The following ROBO2 variants were observed in gnomAD, a reference collection of about 807,000 sequenced individuals.
The protein encoded by ROBO2 is roundabout guidance receptor 2, also known as roundabout homolog 2.
Under a neutral mutation model 160.8 loss-of-function variants are expected in ROBO2, and 53 were observed. That is an observed-to-expected ratio of 0.33 (90% CI 0.26 to 0.41). The LOEUF (loss-of-function observed/expected upper bound fraction) is 0.41, where lower values mean the gene tolerates loss of function less well. ROBO2 is among the 10% of genes least tolerant of loss of function. The pLI, the probability that ROBO2 is intolerant of heterozygous loss-of-function variation, is 1.00. For missense variants in ROBO2, 1,577 were observed against 1,722.4 expected (o/e 0.92, Z 1.49); for synonymous variants, 664 against 611.7 (o/e 1.09, Z -1.26).
rs1479811419 is a variant in ROBO2 at position 76,289,945 on chromosome 3, T to TTTTGCTTAG, written c.109+352344_109+352352dup. On this transcript the variant is annotated intron_variant, in intron 2 of 26. Coordinates refer to the ROBO2 transcript ENST00000487694. ...AGTGTAATGCATCTGGCATTGTTCG[T>TTTTGCTTAG]TTTGCTTAGGATTTATTTGATTAGT... 8.5e-5 allele frequency among the ~76,000 whole-genome samples: 13 copies of TTTTGCTTAG among 152,304 alleles called. 1 individual carries two copies. The highest frequency in any genetic ancestry group is 7.8e-4 in the Admixed American group (12 of 15,296).
At chr3:77,206,697 T>C (rs2083486698) in intron 2 of ROBO2, among the ~76,000 whole-genome samples, 1 of 152,150 alleles carries the variant, frequency 6.6e-6, no homozygotes, top group South Asian at 2.1e-4. Context: ...AATAAGGTAA[T>C]TTTAATGCTA....
intron 2 of ROBO2, among the ~76,000 whole-genome samples, chr3:76,335,190 T>G (rs1376338730): frequency 2.1e-5 from 3 of 143,212 alleles, no homozygotes; most frequent in African/African-American, 7.7e-5. Flanking sequence ...TTTTTTTTTT[T>G]TTTTTTTTTT....
intron 2 of ROBO2, among the ~76,000 whole-genome samples, chr3:77,120,132 A>T (rs1257640177): frequency 6.6e-6 from 1 of 152,218 alleles, no homozygotes; most frequent in Non-Finnish European, 1.5e-5. Context: ...TGTTAGCATC[A>T]TGATGACCGA....
intron 24 of ROBO2, among the ~76,000 whole-genome samples, chr3:77,637,337 A>G (rs1161540149): frequency 6.6e-6 from 1 of 152,230 alleles, no homozygotes; most frequent in Non-Finnish European, 1.5e-5. Flanking sequence ...CCAATCCTGC[A>G]GCCCTATTTG....
intron 2 of ROBO2, among the ~76,000 whole-genome samples, chr3:77,394,273 C>G (rs546471527): frequency 2.6e-5 from 4 of 152,252 alleles, no homozygotes; most frequent in African/African-American, 9.6e-5. Context: ...CCATTTGACC[C>G]ATTTCTGATT....
intron 2 of ROBO2, among the ~76,000 whole-genome samples, chr3:77,245,138 T>C (rs78230301): frequency 6.6e-6 from 1 of 152,288 alleles, no homozygotes; most frequent in East Asian, 1.9e-4. Flanking sequence ...GCCTTCTTGT[T>C]CCACATTTAT....
intron 2 of ROBO2, among the ~76,000 whole-genome samples, chr3:76,711,274 A>G (rs1382553602): frequency 6.6e-6 from 1 of 152,178 alleles, no homozygotes; most frequent in Non-Finnish European, 1.5e-5. Context: ...CAGCAGCAAC[A>G]GAGAGAAAGA....
At chr3:76,640,584 TGTTTGC>T (rs141337346) in intron 2 of ROBO2, among the ~76,000 whole-genome samples, 36,607 of 106,892 alleles carry the variant, frequency 0.34, 4,828 homozygotes, top group South Asian at 0.51. Context: ...TATCAATGCG[TGTTTGC>T]GTGTGAGTGT....
intron 2 of ROBO2, among the ~76,000 whole-genome samples, chr3:77,399,576 A>G (rs1217578612): frequency 6.6e-6 from 1 of 152,152 alleles, no homozygotes; most frequent in Admixed American, 6.5e-5. Context: ...TGAGGATGGA[A>G]TGGTACCTTA....
intron 2 of ROBO2, among the ~76,000 whole-genome samples, chr3:76,904,103 T>C (rs1268114480): frequency 6.6e-6 from 1 of 152,160 alleles, no homozygotes; most frequent in African/African-American, 2.4e-5. Flanking sequence ...AATCTCCTCC[T>C]AAATACATAA....
chr3:77,046,763 A>T (rs1232987856), intron 1 of ROBO2, among the ~76,000 whole-genome samples: 4 of 152,214 alleles, frequency 2.6e-5, no homozygotes, highest in Non-Finnish European at 5.9e-5. Flanking sequence ...TGAAGAGTCC[A>T]TGAGAAAATG....
chr3:76,691,123 G>C (rs796500911), intron 2 of ROBO2, among the ~76,000 whole-genome samples: 16 of 152,150 alleles, frequency 1.1e-4, no homozygotes, highest in African/African-American at 3.9e-4. Flanking sequence ...ATCATGAGGG[G>C]TCTGCCCTCA....
chr3:77,577,338 C>A (rs1559649582), intron 14 of ROBO2, 152 bp from the exon 16 acceptor site: 1 of 827,466 alleles, frequency 1.2e-6, no homozygotes, highest in Non-Finnish European at 2.0e-6. Flanking sequence ...GAACATTTCT[C>A]AAAAAAACTG....
At chr3:77,187,755 C>G (rs1026680425) in intron 2 of ROBO2, among the ~76,000 whole-genome samples, 1 of 151,784 alleles carries the variant, frequency 6.6e-6, no homozygotes, top group Non-Finnish European at 1.5e-5. Flanking sequence ...AAAGTTCAGT[C>G]TTTTCAAGAA....
intron 2 of ROBO2, among the ~76,000 whole-genome samples, chr3:77,361,429 A>G (rs960822643): frequency 1.3e-5 from 2 of 152,166 alleles, no homozygotes; most frequent in Admixed American, 6.6e-5. Context: ...TTTATTGGTT[A>G]AAAACATGTT....
intron 2 of ROBO2, among the ~76,000 whole-genome samples, chr3:77,211,415 T>C (rs1357531752): frequency 6.6e-6 from 1 of 152,132 alleles, no homozygotes; most frequent in Admixed American, 6.5e-5. Context: ...TCATATCCTT[T>C]GCCCACTTTT....
At chr3:77,204,431 T>C (rs1161831987) in intron 2 of ROBO2, among the ~76,000 whole-genome samples, 1 of 152,228 alleles carries the variant, frequency 6.6e-6, no homozygotes, top group Non-Finnish European at 1.5e-5. Context: ...GGTTCAGCTT[T>C]TTTTGTCCCT....
intron 2 of ROBO2, among the ~76,000 whole-genome samples, chr3:77,238,006 TC>T (rs2088347049): frequency 6.6e-6 from 1 of 152,234 alleles, no homozygotes; most frequent in African/African-American, 2.4e-5. Flanking sequence ...GAGCATCTTT[TC>T]ATATGCTTAT....
At chr3:76,023,611 A>G (rs866490756) in intron 2 of ROBO2, among the ~76,000 whole-genome samples, 8 of 151,716 alleles carry the variant, frequency 5.3e-5, no homozygotes, top group Admixed American at 4.0e-4. Context: ...CCCACAAACA[A>G]TTACAATAGT....
Sources: gnomAD v4.1 joint callset for allele counts (sites outside exome capture counted in the v4.1 genomes callset) on GRCh38, gnomAD v4.1.1 for gene constraint, MANE v1.5 for transcripts, NCBI Gene and HGNC (gene_info 2026-07-23, HGNC 2026-07-21) for gene names.